The following NDRG3 variants were observed in gnomAD, a reference collection of about 807,000 sequenced individuals.
NDRG3 encodes NDRG family member 3.
A neutral mutation model predicts 57.2 loss-of-function variants in NDRG3; 23 were observed. The ratio of observed to expected loss-of-function variants is 0.40; its 90% CI spans 0.29 to 0.57. The LOEUF (loss-of-function observed/expected upper bound fraction) is 0.57, where lower values mean the gene tolerates loss of function less well. NDRG3 is among the 20% of genes least tolerant of loss of function. NDRG3 has a pLI of 0.42. For missense variants in NDRG3, 384 were observed against 457.3 expected (o/e 0.84, Z 1.46); for synonymous variants, 132 against 162.6 (o/e 0.81, Z 1.43).
At chr20:36,721,650 T>A (rs940388161) in intron 2 of NDRG3, 29 bp downstream of exon 2, 7 of 1,383,572 alleles carry the variant, frequency 5.1e-6, no homozygotes, top group Admixed American at 1.9e-5. Context: ...GGCTTGTCCA[T>A]ATTTTAGTGA....
intron 3 of NDRG3, among the ~76,000 whole-genome samples, chr20:36,701,324 G>A (rs1254202002): frequency 1.3e-5 from 2 of 151,924 alleles, no homozygotes; most frequent in Non-Finnish European, 2.9e-5. Flanking sequence ...ATCACTTGAG[G>A]CCAGGAGTTC....
chr20:36,682,945 T>TA (rs368549094), intron 6 of NDRG3, among the ~76,000 whole-genome samples: 359 of 114,844 alleles, frequency 3.1e-3, no homozygotes, highest in African/African-American at 0.01. Flanking sequence ...GTGCGCCTGT[T>TA]AAAAAAAAAA....
chr20:36,728,048 T>C (rs145756214), intron 1 of NDRG3, among the ~76,000 whole-genome samples: 1 of 151,688 alleles, frequency 6.6e-6, no homozygotes, highest in East Asian at 1.9e-4. Flanking sequence ...AAGTGAATAA[T>C]AGGGAAAGGA....
chr20:36,667,133 C>T (rs1455611238), intron 9 of NDRG3, among the ~76,000 whole-genome samples: 1 of 152,184 alleles, frequency 6.6e-6, no homozygotes, highest in African/African-American at 2.4e-5. Context: ...AACCATAAAT[C>T]TATAGCTTCA....
intron 5 of NDRG3, 45 bp from the exon 6 acceptor site, chr20:36,684,520 T>TCCCTCTCCCTCTCCCTCTCCCTCTCCCTC: frequency 1.3e-6 from 2 of 1,529,762 alleles, no homozygotes; most frequent in Non-Finnish European, 1.8e-6. Context: ...GCACTCACAA[T>TCCCTCTCCCTCTCCCTCTCCCTCTCCCTC]TCCCAGTTGC....
intron 9 of NDRG3, among the ~76,000 whole-genome samples, chr20:36,667,265 A>T (rs189274604): frequency 2.6e-5 from 4 of 152,090 alleles, no homozygotes; most frequent in Admixed American, 2.0e-4. Context: ...ATTTATTTTA[A>T]TCTTTTAAAT....
chr20:36,659,683 C>T (rs1978986622), intron 13 of NDRG3, among the ~76,000 whole-genome samples: 1 of 152,030 alleles, frequency 6.6e-6, no homozygotes, highest in South Asian at 2.1e-4. Context: ...TCACTGCAAC[C>T]TCCGCCTCCC....
At position 36,691,398 on chromosome 20, in the gene NDRG3, A is replaced by G. The variant is rs1391280636; in HGVS notation, c.94-2614T>C. The stretch of plus-strand genomic sequence containing the variant: ...AACATAAGAAATGAAGACTAGAATC[A>G]GGTACTGTGAAACTGGCTATGAAAT... On this transcript the variant is annotated intron_variant, in intron 3 of 15. Transcript: ENST00000349004. Among the ~76,000 whole-genome samples, 3 of 152,222 alleles carry G rather than the reference A, an allele frequency of 2.0e-5. No homozygotes were observed. In the East Asian group the frequency reaches 5.8e-4, roughly 29 times the overall value.
intron 2 of NDRG3, among the ~76,000 whole-genome samples, chr20:36,711,809 C>G (rs772103409): frequency 6.6e-6 from 1 of 152,164 alleles, no homozygotes. Context: ...GACGGAGTCT[C>G]GCTTTGTCGC....
intron 1 of NDRG3, among the ~76,000 whole-genome samples, chr20:36,727,446 T>C (rs1274071774): frequency 6.6e-6 from 1 of 151,820 alleles, no homozygotes; most frequent in East Asian, 1.9e-4. Flanking sequence ...TCTCGAACTC[T>C]TGACCTCAGG....
At chr20:36,702,338 G>A (rs986703868) in intron 3 of NDRG3, among the ~76,000 whole-genome samples, 2 of 152,000 alleles carry the variant, frequency 1.3e-5, no homozygotes, top group South Asian at 2.1e-4. Flanking sequence ...GGGTTTCACC[G>A]TGTTAGCCAG....
intron 1 of NDRG3, among the ~76,000 whole-genome samples, chr20:36,726,979 C>T (rs1179237494): frequency 1.3e-5 from 2 of 149,540 alleles, no homozygotes; most frequent in Non-Finnish European, 3.0e-5. Flanking sequence ...CACAGTGGGG[C>T]GATCTTGGCT....
chr20:36,660,598 TC>T, intron 12 of NDRG3, among the ~76,000 whole-genome samples: 1 of 151,518 alleles, frequency 6.6e-6, no homozygotes, highest in Non-Finnish European at 1.5e-5. Context: ...TCTCGCTCTG[TC>T]GCCCAGGCTG....
chr20:36,703,448 A>G (rs1426714512), intron 3 of NDRG3, among the ~76,000 whole-genome samples: 1 of 151,252 alleles, frequency 6.6e-6, no homozygotes, highest in Non-Finnish European at 1.5e-5. Context: ...CTATCTATCT[A>G]TCTATCTATC....
At chr20:36,707,843 G>A (rs1983634099) in intron 2 of NDRG3, among the ~76,000 whole-genome samples, 1 of 152,172 alleles carries the variant, frequency 6.6e-6, no homozygotes, top group Non-Finnish European at 1.5e-5. Context: ...CAGTATTTTG[G>A]GAGGCTGAGG....
intron 2 of NDRG3, among the ~76,000 whole-genome samples, chr20:36,720,471 C>T (rs983936945): frequency 2.0e-5 from 3 of 152,114 alleles, no homozygotes; most frequent in African/African-American, 7.2e-5. Context: ...CTGCACCTGG[C>T]CAAAACCTTT....
chr20:36,667,681 T>C lies in NDRG3; in HGVS notation c.589-1289A>G, dbSNP rs547253936. ...CAGTTTTAAGCATAAAGAAATTGCA[T>C]TGGAGGAAAGAAATATATCAGGGAT... On this transcript the variant is annotated intron_variant, in intron 9 of 15. Coordinates refer to ENST00000349004, the MANE Select transcript of NDRG3 (RefSeq NM_032013.4). Among the ~76,000 whole-genome samples, 17 of 152,156 alleles carry C rather than the reference T, an allele frequency of 1.1e-4. No homozygotes were observed. The East Asian group carries it at 2.3e-3, about 21-fold the overall frequency.
In NDRG3 at chr20:36,701,572, C is replaced by T. The variant is rs1600924621; in HGVS notation, c.93+5400G>A. 2.6e-5 allele frequency among the ~76,000 whole-genome samples: 3 copies of T among 116,584 alleles called. No homozygotes were observed. The Admixed American group carries it at 2.8e-4, about 11-fold the overall frequency. 76.5% of individuals were successfully genotyped at this position (116,584 alleles called of 152,430 possible). A position where few individuals can be genotyped will look rare whatever the true frequency, so the allele number is the denominator to read the frequency against. ...TTTTTTTTTTTTTTTTTTGAGATGG[C>T]GTTTTGCTCTTTTTGCCCAGGCTGG... On this transcript the variant is annotated intron_variant, in intron 3 of 15. Coordinates refer to ENST00000349004, the MANE Select transcript of NDRG3 (RefSeq NM_032013.4).
chr20:36,740,078 C>T (rs1985853275), intron 1 of NDRG3, among the ~76,000 whole-genome samples: 1 of 152,094 alleles, frequency 6.6e-6, no homozygotes. Flanking sequence ...TTGTCAAATG[C>T]TATAGCTAAA....
Sources: allele counts gnomAD v4.1 joint callset (sites outside exome capture counted in the v4.1 genomes callset), GRCh38; gene constraint gnomAD v4.1.1; transcripts MANE v1.5; gene names NCBI Gene and HGNC (gene_info 2026-07-23, HGNC 2026-07-21).